DERA: variants seen among roughly 807,000 people sequenced by gnomAD.
DERA encodes the protein 2-deoxy-D-ribose 5-phosphate aldolase.
Under a neutral mutation model 41.1 loss-of-function variants are expected in DERA, and 15 were observed. That is an observed-to-expected ratio of 0.37 (90% confidence interval 0.24 to 0.56). The LOEUF (loss-of-function observed/expected upper bound fraction) is 0.56. Ranked by LOEUF, DERA falls within the 20% of genes least tolerant of loss-of-function variation. The pLI is 0.81. For synonymous variants in DERA, 139 were observed against 137.4 expected (o/e 1.01, Z -0.08); for missense variants, 396 against 403.4 (o/e 0.98, Z 0.16).
intron 5 of DERA, among the ~76,000 whole-genome samples, chr12:15,963,482 C>T (rs1173200199): frequency 2.0e-5 from 3 of 152,156 alleles, no homozygotes; most frequent in Non-Finnish European, 4.4e-5. Context: ...TTCACTATCA[C>T]GTCAGCATAC....
rs1303556786 is a variant in DERA, at chr12:16,014,821, C to T, written c.638-17721C>T. On this transcript the variant is annotated intron_variant, in intron 6 of 8. Transcript: ENST00000428559. The surrounding 1 kb of genome is among the most constrained non-coding windows in gnomAD (Gnocchi z 5.4). ...GAAAGCAGCCAGGAGGGGTACTGTA[C>T]CCTGCAAAGCCACAGGGGTGGAGCT... 2.6e-5 allele frequency among the ~76,000 whole-genome samples: 4 copies of T among 152,184 alleles called. No individual in the cohort carries two copies. The highest frequency in any genetic ancestry group is 7.2e-5 in the African/African-American group (3 of 41,448).
intron 1 of DERA, chr12:15,916,213 C>A (rs1265085268): frequency 6.6e-6 from 1 of 152,128 alleles, no homozygotes; most frequent in East Asian, 1.9e-4. Context: ...GTGAAGTTTT[C>A]AAGGATGGCA....
At chr12:15,916,207 AG>A (rs1468897229) in intron 1 of DERA, 7 of 152,182 alleles carry the variant, frequency 4.6e-5, no homozygotes, top group African/African-American at 1.7e-4. Flanking sequence ...ATGTTAGTGA[AG>A]TTTTCAAGGA....
rs1433317598 is a variant in DERA, at chr12:15,918,089, A to C, written c.31+6675A>C. Among the ~76,000 whole-genome samples, 1 of 152,054 alleles carries C rather than the reference A, an allele frequency of 6.6e-6. No individual in the cohort carries two copies. The highest frequency in any genetic ancestry group is 2.4e-5 in the African/African-American group (1 of 41,390). ...ATTTATCCCAGTGTTCTCCCTTTCC[A>C]TATTTGAAACACTCCACATGCTTCC... On this transcript the variant is annotated intron_variant, in intron 1 of 8. Transcript: ENST00000428559. The surrounding 1 kb of genome is among the most constrained non-coding windows in gnomAD (Gnocchi z 4.3).
At position 15,938,069 on chromosome 12, in the gene DERA, C is replaced by T. The variant is rs548311435; in HGVS notation, c.32-18867C>T. On this transcript the variant is annotated intron_variant, in intron 1 of 8. Transcript: ENST00000428559. The surrounding 1 kb of genome is among the most constrained non-coding windows in gnomAD (Gnocchi z 4.1). ...TAACCACTGGATTATGTGCCAGGGC[C>T]TGATAGACAATGAACACCTAAATAT... Among the ~76,000 whole-genome samples the T allele has an allele frequency of 1.2e-3, 185 of 152,212 alleles. No homozygotes were observed. Among genetic ancestry groups the T allele is most frequent in the African/African-American group, 4.3e-3 (178 of 41,536 alleles).
chr12:15,964,147 C>T (rs1046663874), intron 5 of DERA, among the ~76,000 whole-genome samples: 5 of 152,122 alleles, frequency 3.3e-5, no homozygotes, highest in African/African-American at 1.2e-4. Context: ...GAGATGGCTT[C>T]TGAAGCTCCA....
rs563740493 is a variant in DERA at position 16,020,664 on chromosome 12, T to A, written c.638-11878T>A. 6.6e-6 allele frequency among the ~76,000 whole-genome samples: 1 copy of A among 152,172 alleles called. No individual in the cohort carries two copies. Among genetic ancestry groups the A allele is most frequent in the Non-Finnish European group, 1.5e-5 (1 of 68,024 alleles). On this transcript the variant is annotated intron_variant, in intron 6 of 8. Coordinates refer to ENST00000428559, the MANE Select transcript of DERA (RefSeq NM_015954.4). The surrounding 1 kb of genome is among the most constrained non-coding windows in gnomAD (Gnocchi z 5.5). ...AAGATGAGAGAAAGTTTGAAACTTATGAGAGACTGGTTAAATGGTTGTGAG... is the reference window on the plus strand; with the variant it reads ...AAGATGAGAGAAAGTTTGAAACTTAAGAGAGACTGGTTAAATGGTTGTGAG...
rs1360241646 is a variant in DERA, at chr12:15,921,476, G to C, written c.31+10062G>C. Among the ~76,000 whole-genome samples, 2 of 152,108 alleles carry C rather than the reference G, an allele frequency of 1.3e-5. No homozygotes were observed. Among genetic ancestry groups the C allele is most frequent in the Non-Finnish European group, 2.9e-5 (2 of 68,026 alleles). On this transcript the variant is annotated intron_variant, in intron 1 of 8. Coordinates refer to ENST00000428559, the MANE Select transcript of DERA (RefSeq NM_015954.4). The surrounding 1 kb of genome is among the most constrained non-coding windows in gnomAD (Gnocchi z 5.3). ...ATATTCATGTTTCCTTGAGATTATG[G>C]ATTAAGTTTGTATTTTGGACTCAGG...
intron 1 of DERA, among the ~76,000 whole-genome samples, chr12:15,934,109 A>G (rs1244837571): frequency 6.6e-6 from 1 of 152,114 alleles, no homozygotes; most frequent in South Asian, 2.1e-4. Flanking sequence ...ATGGTTTTCA[A>G]CTGTGAATCC....
chr12:15,917,844 T>C (rs1424608976), intron 1 of DERA, among the ~76,000 whole-genome samples: 1 of 152,170 alleles, frequency 6.6e-6, no homozygotes, highest in Non-Finnish European at 1.5e-5. Flanking sequence ...GCAGCATTTT[T>C]TTCAGTGGAT....
chr12:15,990,446 T>G lies in DERA; in HGVS notation c.637+8010T>G, dbSNP rs1193751189. Among the ~76,000 whole-genome samples the G allele has an allele frequency of 6.6e-6, 1 of 152,184 alleles. No individual in the cohort carries two copies. Among genetic ancestry groups the G allele is most frequent in the Non-Finnish European group, 1.5e-5 (1 of 68,026 alleles). ...TGTTCTTTTTTGTTTTGTTTTGTTT[T>G]TAGTTTTATTTTTAACTTTTAAGTT... On this transcript the variant is annotated intron_variant, in intron 6 of 8. Coordinates refer to ENST00000428559, the MANE Select transcript of DERA (RefSeq NM_015954.4). The surrounding 1 kb of genome is among the most constrained non-coding windows in gnomAD (Gnocchi z 4.3).
chr12:15,962,076 G>A (rs747809341), intron 4 of DERA, among the ~76,000 whole-genome samples: 1 of 152,142 alleles, frequency 6.6e-6, no homozygotes, highest in Non-Finnish European at 1.5e-5. Flanking sequence ...AACATGACAG[G>A]TTTTTTTAGA....
At chr12:15,920,892 C>T (rs1157951495) in intron 1 of DERA, among the ~76,000 whole-genome samples, 1 of 152,176 alleles carries the variant, frequency 6.6e-6, no homozygotes, top group Admixed American at 6.5e-5. Flanking sequence ...GGAGAAAGCC[C>T]ATGAGTCTGC....
chr12:16,028,108 C>T (rs897434353), intron 6 of DERA, among the ~76,000 whole-genome samples: 2 of 152,238 alleles, frequency 1.3e-5, no homozygotes, highest in Non-Finnish European at 2.9e-5. Flanking sequence ...GCATACCTAG[C>T]ACCCATATAG....
intron 7 of DERA, 86 bp downstream of exon 7, chr12:16,032,740 T>G (rs1490195657): frequency 1.2e-6 from 1 of 837,614 alleles, no homozygotes; most frequent in African/African-American, 1.7e-5. Flanking sequence ...TGTCTTTATA[T>G]GGAGAAGTTG....
At chr12:15,920,005 TGAGAGAGAAAGA>T (rs1948230226) in intron 1 of DERA, among the ~76,000 whole-genome samples, 3 of 151,480 alleles carry the variant, frequency 2.0e-5, no homozygotes, top group South Asian at 2.1e-4. Context: ...TGTGTGTGTG[TGAGAGAGAAAGA>T]GAGAGAGAGG....
At position 15,994,725 on chromosome 12, in the gene DERA, T is replaced by G. The variant is rs1948826208; in HGVS notation, c.637+12289T>G. On this transcript the variant is annotated intron_variant, in intron 6 of 8. Coordinates refer to ENST00000428559, the MANE Select transcript of DERA (RefSeq NM_015954.4). This position sits in a 1 kb window ranked among gnomAD's most constrained non-coding sequence, Gnocchi z 4.8. ...ACCTCGGCCTCCCAAAGTGCTGGGA[T>G]TACAGGCGTGAGCCACCGCGCCTGG... Among the ~76,000 whole-genome samples the G allele has an allele frequency of 6.6e-6, 1 of 152,198 alleles. No homozygotes were observed. The highest frequency in any genetic ancestry group is 2.1e-4 in the South Asian group (1 of 4,828).
At chr12:16,032,475 C>T in intron 6 of DERA, 67 bp from the exon 7 acceptor site, 2 of 875,968 alleles carry the variant, frequency 2.3e-6, no homozygotes, top group East Asian at 3.0e-5. Context: ...CTCATTTCTC[C>T]CACTGACTCA....
chr12:15,980,147 T>C (rs541318816), intron 5 of DERA, among the ~76,000 whole-genome samples: 2 of 152,342 alleles, frequency 1.3e-5, no homozygotes, highest in African/African-American at 2.4e-5. Context: ...ATTAAACTTT[T>C]TGAGTGCTTA....
Sources: gnomAD v4.1 joint callset for allele counts (sites outside exome capture counted in the v4.1 genomes callset) on GRCh38, gnomAD v4.1.1 for gene constraint, Gnocchi (gnomAD v3.1) non-coding constraint, MANE v1.5 for transcripts, NCBI Gene and HGNC (gene_info 2026-07-23, HGNC 2026-07-21) for gene names.